Variants in NAALADL2 observed in about 807,000 individuals in gnomAD.
NAALADL2 encodes N-acetylated alpha-linked acidic dipeptidase like 2, also known as inactive N-acetylated-alpha-linked acidic dipeptidase-like protein 2.
A neutral mutation model predicts 87.2 loss-of-function variants in NAALADL2; 76 were observed. That is an observed-to-expected ratio of 0.87 (90% CI 0.72 to 1.05). The LOEUF is 1.05. NAALADL2 is among the 50% of genes least tolerant of loss of function. The probability of loss-of-function intolerance (pLI) is 0.00; values close to 1 mark genes in which losing one functional copy is unlikely to be tolerated. For synonymous variants in NAALADL2, 354 were observed against 331.0 expected (o/e 1.07, Z -0.75); for missense variants, 1,089 against 945.8 (o/e 1.15, Z -1.99).
At chr3:175,696,204 A>C (rs1737781505) in intron 11 of NAALADL2, among the ~76,000 whole-genome samples, 2 of 152,214 alleles carry the variant, frequency 1.3e-5, no homozygotes, top group African/African-American at 4.8e-5. Flanking sequence ...GTGCTCATCT[A>C]GCACATACAG....
chr3:175,568,256 A>C (rs1012653551), intron 9 of NAALADL2, among the ~76,000 whole-genome samples: 14 of 152,150 alleles, frequency 9.2e-5, no homozygotes, highest in Non-Finnish European at 1.9e-4. Context: ...TTATTAGAAG[A>C]CATCTGCAAT....
chr3:175,697,247 C>G (rs1338753813), intron 11 of NAALADL2, among the ~76,000 whole-genome samples: 10 of 151,982 alleles, frequency 6.6e-5, no homozygotes, highest in African/African-American at 2.4e-4. Context: ...AATATAGGAG[C>G]AGTAGAATAC....
intron 5 of NAALADL2, among the ~76,000 whole-genome samples, chr3:175,390,486 G>C (rs1768941589): frequency 6.6e-6 from 1 of 152,148 alleles, no homozygotes; most frequent in African/African-American, 2.4e-5. Context: ...GAAAACACTA[G>C]GATGCGGCCA....
chr3:174,883,267 A>G (rs1249660495), intron 1 of NAALADL2, among the ~76,000 whole-genome samples: 1 of 152,066 alleles, frequency 6.6e-6, no homozygotes, highest in Non-Finnish European at 1.5e-5. Context: ...ACACACCAGG[A>G]GCAATGCTTT....
chr3:175,420,394 A>G (rs1265318203), intron 5 of NAALADL2, among the ~76,000 whole-genome samples: 1 of 152,010 alleles, frequency 6.6e-6, no homozygotes, highest in Non-Finnish European at 1.5e-5. Context: ...TTGAATGATT[A>G]CAACTTTGTT....
At chr3:174,829,097 T>TTGTTG in intron 3 of NAALADL2, among the ~76,000 whole-genome samples, 1 of 150,380 alleles carries the variant, frequency 6.6e-6, no homozygotes, top group East Asian at 2.0e-4. Flanking sequence ...TCTGTTTTTT[T>TTGTTG]TTGTTGTTGT....
intron 1 of NAALADL2, among the ~76,000 whole-genome samples, chr3:175,082,497 G>T (rs941332427): frequency 1.3e-5 from 2 of 152,066 alleles, no homozygotes; most frequent in South Asian, 4.2e-4. Flanking sequence ...AATTATGCTG[G>T]GTAAACAATA....
intron 9 of NAALADL2, among the ~76,000 whole-genome samples, chr3:175,569,686 C>G (rs972431599): frequency 3.9e-5 from 6 of 151,994 alleles, no homozygotes; most frequent in Non-Finnish European, 8.8e-5. Flanking sequence ...ATCTGCAAAC[C>G]AGGAAGAAAG....
At chr3:174,923,236 G>A (rs1343088336) in intron 1 of NAALADL2, among the ~76,000 whole-genome samples, 1 of 152,106 alleles carries the variant, frequency 6.6e-6, no homozygotes, top group South Asian at 2.1e-4. Flanking sequence ...AAATTATAAA[G>A]TGTAGTTAGT....
At chr3:174,812,493 T>G (rs1379279846) in intron 3 of NAALADL2, among the ~76,000 whole-genome samples, 1 of 152,222 alleles carries the variant, frequency 6.6e-6, no homozygotes, top group Admixed American at 6.5e-5. Context: ...TGTTCCTGGT[T>G]TATGTATTTA....
intron 5 of NAALADL2, among the ~76,000 whole-genome samples, chr3:175,409,441 G>A (rs1713047489): frequency 6.6e-6 from 1 of 151,798 alleles, no homozygotes; most frequent in Admixed American, 6.6e-5. Flanking sequence ...CTTATGATGA[G>A]TGGATCTTAC....
chr3:175,557,107 G>A (rs1016694028), intron 9 of NAALADL2, among the ~76,000 whole-genome samples: 1 of 152,196 alleles, frequency 6.6e-6, no homozygotes, highest in Non-Finnish European at 1.5e-5. Context: ...AGACTAGAGA[G>A]CAAAGACTGA....
intron 1 of NAALADL2, among the ~76,000 whole-genome samples, chr3:174,467,366 G>A (rs976527652): frequency 1.3e-5 from 2 of 151,608 alleles, no homozygotes; most frequent in African/African-American, 2.4e-5. Context: ...AGGCCAAGGC[G>A]GGTGGATCAC....
At chr3:175,565,243 T>C (rs1716917952) in intron 9 of NAALADL2, among the ~76,000 whole-genome samples, 1 of 152,190 alleles carries the variant, frequency 6.6e-6, no homozygotes, top group East Asian at 1.9e-4. Context: ...ACTTTTAGTC[T>C]GTAAAATGAA....
At chr3:174,623,665 G>A (rs183851836) in intron 2 of NAALADL2, among the ~76,000 whole-genome samples, 199 of 151,644 alleles carry the variant, frequency 1.3e-3, no homozygotes, top group African/African-American at 4.4e-3. Flanking sequence ...AAAAAAGTGT[G>A]TATAAGTGTA....
chr3:175,666,686 A>C (rs961726151), intron 11 of NAALADL2, among the ~76,000 whole-genome samples: 9 of 152,112 alleles, frequency 5.9e-5, no homozygotes, highest in Non-Finnish European at 1.5e-5. Flanking sequence ...GAGCGTAACT[A>C]TACCATCTTT....
At chr3:174,482,924 C>T (rs1717647157) in intron 1 of NAALADL2, among the ~76,000 whole-genome samples, 1 of 152,018 alleles carries the variant, frequency 6.6e-6, no homozygotes, top group South Asian at 2.1e-4. Context: ...CTTTCTTTCC[C>T]ACTCAAGAAA....
intron 2 of NAALADL2, among the ~76,000 whole-genome samples, chr3:174,636,385 C>G (rs1226750663): frequency 6.6e-6 from 1 of 152,050 alleles, no homozygotes; most frequent in African/African-American, 2.4e-5. Flanking sequence ...AAGAAACAAT[C>G]TATAAAGTGG....
At chr3:175,571,178 G>A (rs1718028128) in intron 9 of NAALADL2, among the ~76,000 whole-genome samples, 2 of 152,110 alleles carry the variant, frequency 1.3e-5, no homozygotes, top group African/African-American at 4.8e-5. Flanking sequence ...TTACTATAAA[G>A]TTTTGCCTTT....
Sources: allele counts gnomAD v4.1 joint callset (sites outside exome capture counted in the v4.1 genomes callset), GRCh38; gene constraint gnomAD v4.1.1; transcripts MANE v1.5; gene names NCBI Gene and HGNC (gene_info 2026-07-23, HGNC 2026-07-21).